The following ANK3 variants were observed in gnomAD, a reference collection of about 807,000 sequenced individuals.
ANK3 encodes ankyrin 3.
Under a neutral mutation model 370.9 loss-of-function variants are expected in ANK3, and 57 were observed. That is an observed-to-expected ratio of 0.15 (90% CI 0.12 to 0.19). ANK3 has a LOEUF of 0.19. Among genes scored for constraint, ANK3 ranks in the 10% least tolerant of loss-of-function variants. ANK3 has a pLI of 1.00. For missense variants in ANK3, 4,439 were observed against 5,302.1 expected (o/e 0.84, Z 5.06); for synonymous variants, 1,929 against 1,946.3 (o/e 0.99, Z 0.23).
intron 18 of ANK3, among the ~76,000 whole-genome samples, chr10:60,179,292 G>A (rs913944399): frequency 6.6e-6 from 1 of 152,216 alleles, no homozygotes; most frequent in Non-Finnish European, 1.5e-5. Context: ...AGAAAGGAAA[G>A]GAAAATAACT....
rs1398374646 is a variant in ANK3, at chr10:60,631,736, A to T, written c.58-16512T>A. Among the ~76,000 whole-genome samples the T allele has an allele frequency of 7.2e-5, 11 of 152,152 alleles. No individual in the cohort carries two copies. The East Asian group carries it at 2.1e-3, about 29-fold the overall frequency. ...GTGATAATGAAATAACATAGGGAAG[A>T]ATACAGATCTAGAGCAATACATTCA... On this transcript the variant is annotated intron_variant, in intron 1 of 43. Transcript: ENST00000373827.
intron 1 of ANK3, among the ~76,000 whole-genome samples, chr10:60,365,503 G>A (rs1453135836): frequency 6.6e-6 from 1 of 152,178 alleles, no homozygotes; most frequent in Non-Finnish European, 1.5e-5. Flanking sequence ...GCATTTAACA[G>A]TTATTAGAAG....
At chr10:60,290,701 G>T (rs1319223521) in intron 1 of ANK3, among the ~76,000 whole-genome samples, 1 of 152,138 alleles carries the variant, frequency 6.6e-6, no homozygotes, top group African/African-American at 2.4e-5. Context: ...GTTAGGCATG[G>T]TTAGCATCTT....
intron 2 of ANK3, among the ~76,000 whole-genome samples, chr10:60,528,288 C>T (rs905902029): frequency 1.3e-5 from 2 of 151,910 alleles, no homozygotes; most frequent in Non-Finnish European, 1.5e-5. Flanking sequence ...AGGCATACAC[C>T]ACCATACCTG....
intron 5 of ANK3, among the ~76,000 whole-genome samples, chr10:60,268,474 A>G (rs1020934226): frequency 3.9e-5 from 6 of 152,108 alleles, no homozygotes; most frequent in Non-Finnish European, 7.4e-5. Context: ...ACATTTACTA[A>G]CAGGTTTCTT....
chr10:60,354,450 A>T (rs914028368), intron 1 of ANK3, among the ~76,000 whole-genome samples: 3 of 152,246 alleles, frequency 2.0e-5, no homozygotes, highest in Non-Finnish European at 2.9e-5. Flanking sequence ...AACTGCTTTC[A>T]TTACCACAAA....
At chr10:60,704,370 T>G (rs1418830380) in intron 1 of ANK3, among the ~76,000 whole-genome samples, 1 of 152,182 alleles carries the variant, frequency 6.6e-6, no homozygotes, top group Non-Finnish European at 1.5e-5. Flanking sequence ...CTATAATACA[T>G]TTTAATCAAT....
intron 23 of ANK3, among the ~76,000 whole-genome samples, chr10:60,150,516 C>T (rs2095058826): frequency 6.6e-6 from 1 of 152,098 alleles, no homozygotes; most frequent in South Asian, 2.1e-4. Context: ...CTGTGCCCTC[C>T]AAATCACATG....
At chr10:60,580,567 C>T (rs1275085860) in intron 2 of ANK3, among the ~76,000 whole-genome samples, 3 of 152,080 alleles carry the variant, frequency 2.0e-5, no homozygotes, top group African/African-American at 7.2e-5. Flanking sequence ...TTTATTTATC[C>T]TCTGGGATTA....
chr10:60,698,610 G>A (rs2079499400), intron 1 of ANK3, among the ~76,000 whole-genome samples: 1 of 149,566 alleles, frequency 6.7e-6, no homozygotes, highest in African/African-American at 2.5e-5. Flanking sequence ...TACGGACATG[G>A]ATGAAATTGG....
At chr10:60,346,873 A>C (rs2055643566) in intron 1 of ANK3, among the ~76,000 whole-genome samples, 1 of 151,794 alleles carries the variant, frequency 6.6e-6, no homozygotes, top group South Asian at 2.1e-4. Context: ...AGCCTCACTG[A>C]TCTCACCCTT....
chr10:60,044,908 CT>C (rs1256336799), intron 42 of ANK3: 1 of 152,138 alleles, frequency 6.6e-6, no homozygotes, highest in Non-Finnish European at 1.5e-5. Flanking sequence ...AAGACTGAAT[CT>C]TTCATAGCTC....
chr10:60,681,021 C>G (rs958453869), intron 1 of ANK3, among the ~76,000 whole-genome samples: 1 of 152,182 alleles, frequency 6.6e-6, no homozygotes, highest in Non-Finnish European at 1.5e-5. Context: ...ACTTGGCACT[C>G]TCTAACTCAG....
chr10:60,043,879 A>G, intron 42 of ANK3: 1 of 435,328 alleles, frequency 2.3e-6, no homozygotes, highest in Non-Finnish European at 2.6e-6. Context: ...AAGACAGTTA[A>G]AAAAAAAAAG....
intron 2 of ANK3, among the ~76,000 whole-genome samples, chr10:60,404,112 T>C (rs1218521767): frequency 2.0e-5 from 3 of 152,114 alleles, no homozygotes; most frequent in African/African-American, 7.2e-5. Context: ...TATATTAAGG[T>C]AAAAATCTAC....
chr10:60,576,726 G>A (rs1233721217), intron 2 of ANK3, among the ~76,000 whole-genome samples: 1 of 152,186 alleles, frequency 6.6e-6, no homozygotes, highest in East Asian at 1.9e-4. Context: ...ACTTGTAAAA[G>A]TGAAAGACAA....
At position 60,069,492 on chromosome 10, in the gene ANK3, T is replaced by C; in HGVS notation, c.11389A>G (p.Ile3797Val). ...TTACTCATAATGTTATCTGTCTGTA[T>C]AGTGGAAGAATCCAAATTGTTGTTG... ...NNNNNLDSSTIQTDNIMSNIV... is the reference protein window; with the variant it reads ...NNNNNLDSSTVQTDNIMSNIV... The change falls in exon 37 of 44, where the codon ATA becomes GTA. Residue 3797 changes from isoleucine (I) to valine (V), a missense_variant. Transcript: ENST00000280772. 6.2e-7 allele frequency: 1 copy of C among 1,614,050 alleles called. No individual in the cohort carries two copies. The highest frequency in any genetic ancestry group is 2.2e-5 in the East Asian group (1 of 44,876).
chr10:60,289,804 A>C (rs530496735), intron 1 of ANK3, among the ~76,000 whole-genome samples: 2 of 152,324 alleles, frequency 1.3e-5, no homozygotes, highest in South Asian at 4.1e-4. Context: ...ATTCTCCATC[A>C]GAAACGGGAC....
intron 42 of ANK3, among the ~76,000 whole-genome samples, chr10:60,049,922 T>C (rs2077607614): frequency 6.6e-6 from 1 of 152,184 alleles, no homozygotes; most frequent in South Asian, 2.1e-4. Flanking sequence ...TTGTCCTGGA[T>C]AGAAGAAAGT....
Sources: gnomAD v4.1 joint callset for allele counts (sites outside exome capture counted in the v4.1 genomes callset) on GRCh38, gnomAD v4.1.1 for gene constraint, MANE v1.5 for transcripts, NCBI Gene and HGNC (gene_info 2026-07-23, HGNC 2026-07-21) for gene names.